MLF2: variants seen among roughly 807,000 people sequenced by gnomAD.
MLF2 encodes the protein myeloid leukemia factor 2.
MLF2 carries 12 observed loss-of-function variants against 31.4 expected under a neutral mutation model. The ratio of observed to expected loss-of-function variants is 0.38; its 90% CI spans 0.24 to 0.62. The LOEUF (loss-of-function observed/expected upper bound fraction) is 0.62. Ranked by LOEUF, MLF2 falls within the 20% of genes least tolerant of loss-of-function variation. MLF2 has a pLI of 0.58. For synonymous variants in MLF2, 109 were observed against 118.8 expected, an observed-to-expected ratio of 0.92 and a Z score of 0.54; for missense variants, 272 against 359.7, an observed-to-expected ratio of 0.76 and a Z score of 1.97.
intron 4 of MLF2, among the ~76,000 whole-genome samples, chr12:6,751,346 A>T (rs1231325726): frequency 6.6e-6 from 1 of 151,464 alleles, no homozygotes; most frequent in Admixed American, 6.6e-5. Context: ...GGTGTGTGCC[A>T]CCATGCCTGG....
intron 4 of MLF2, among the ~76,000 whole-genome samples, 197 bp downstream of exon 4, chr12:6,751,444 G>A (rs936204370): frequency 2.0e-5 from 3 of 151,942 alleles, no homozygotes; most frequent in Admixed American, 1.3e-4. Context: ...CACCCATCTC[G>A]GCCTCCCAAC....
Position 6,750,757 on chromosome 12 carries a change from A to G in MLF2, c.226T>C (p.Phe76Leu), listed in dbSNP as rs1941601372. Residue 76 changes from phenylalanine (F) to leucine (L), a missense_variant, in exon 5 of 9, where the codon TTC (phenylalanine) becomes CTC (leucine). Physicochemically the swap from Phe to Leu is conservative, Grantham distance 22. Coordinates refer to ENST00000203630, the MANE Select transcript of MLF2 (RefSeq NM_001382226.1). This position sits in a 1 kb window ranked among gnomAD's most constrained non-coding sequence, Gnocchi z 5.3. The part of the protein sequence containing the change: ...PFGMLGMSGG[F>L]MDMFGMMNDM... Reference sequence around the variant, plus strand: ...TTCATCATCCCAAACATGTCCATGAAACCACCCGACTGGAGGAAAGAGATG... The same window carrying G: ...TTCATCATCCCAAACATGTCCATGAGACCACCCGACTGGAGGAAAGAGATG... The G allele has an allele frequency of 1.2e-6, 2 of 1,614,064 alleles. No individual in the cohort carries two copies. Among genetic ancestry groups the G allele is most frequent in the Non-Finnish European group, 1.7e-6 (2 of 1,179,974 alleles).
In MLF2 at chr12:6,748,626, C is replaced by A; in HGVS notation, c.*26-79G>T. On this transcript the variant is annotated intron_variant, in intron 8 of 8. Transcript: ENST00000203630. This position sits in a 1 kb window ranked among gnomAD's most constrained non-coding sequence, Gnocchi z 4.6. ...TAAGAGCCAGGAGTTGGGGTTTAAT[C>A]CCCTATGTCAGTGAGAACATTGTTC... 1.6e-6 allele frequency: 1 copy of A among 641,248 alleles called. No individual in the cohort carries two copies. The highest frequency in any genetic ancestry group is 2.6e-6 in the Non-Finnish European group (1 of 390,778). The allele number at this position is 641,248 out of a possible 1,614,324, so 39.7% of individuals were successfully genotyped here.
At chr12:6,751,567 G>A in intron 4 of MLF2, 74 bp downstream of exon 4, 2 of 1,498,852 alleles carry the variant, frequency 1.3e-6, no homozygotes, top group South Asian at 2.3e-5. Context: ...ATTCCTAAGA[G>A]GCACATTTGG....
Position 6,752,209 on chromosome 12 carries a change from C to T in MLF2, c.50+76G>A. The T allele has an allele frequency of 6.5e-7, 1 of 1,537,792 alleles. No individual in the cohort carries two copies. The highest frequency in any genetic ancestry group is 8.8e-7 in the Non-Finnish European group (1 of 1,133,396). On this transcript the variant is annotated intron_variant, in intron 2 of 8. Coordinates refer to ENST00000203630, the MANE Select transcript of MLF2 (RefSeq NM_001382226.1). This position sits in a 1 kb window ranked among gnomAD's most constrained non-coding sequence, Gnocchi z 4.6. Reference sequence around the variant, plus strand: ...TCCAGCCAGTTCCAACCATTCCTAGCAATGGGAACCCCGATGTCTGCCTGA... The same window carrying T: ...TCCAGCCAGTTCCAACCATTCCTAGTAATGGGAACCCCGATGTCTGCCTGA...
In MLF2 at chr12:6,748,519, G is replaced by T; in HGVS notation, c.*54C>A. 2.9e-6 allele frequency: 1 copy of T among 350,638 alleles called. No individual in the cohort carries two copies. Among genetic ancestry groups the T allele is most frequent in the Non-Finnish European group, 5.1e-6 (1 of 195,300 alleles). The allele number at this position is 350,638 out of a possible 1,614,324, so 21.7% of individuals were successfully genotyped here. A position where few individuals can be genotyped will look rare whatever the true frequency, so the allele number is the denominator to read the frequency against. On this transcript the variant is annotated 3_prime_UTR_variant, in exon 9 of 9. Coordinates refer to ENST00000203630, the MANE Select transcript of MLF2 (RefSeq NM_001382226.1). The surrounding 1 kb of genome is among the most constrained non-coding windows in gnomAD (Gnocchi z 4.6). Reference sequence around the variant, plus strand: ...AATCGAGAGGAAAAAGTTATTCAGGGGATGATTTCTCAGCCTCTCAGCCTG... The same window carrying T: ...AATCGAGAGGAAAAAGTTATTCAGGTGATGATTTCTCAGCCTCTCAGCCTG...
Position 6,752,544 on chromosome 12 carries a change from T to C in MLF2, c.-28-182A>G. The C allele has an allele frequency of 1.8e-6, 1 of 542,882 alleles. No individual in the cohort carries two copies. The highest frequency in any genetic ancestry group is 3.2e-6 in the Non-Finnish European group (1 of 308,714). The allele number at this position is 542,882 out of a possible 1,614,324, so 33.6% of individuals were successfully genotyped here. ...GGGAGGGAAGGGCTCTTCAAACCTC[T>C]TTCTCAATTAGGGCCATGGAAAATT... On this transcript the variant is annotated intron_variant, in intron 1 of 8. Coordinates refer to ENST00000203630, the MANE Select transcript of MLF2 (RefSeq NM_001382226.1). This position sits in a 1 kb window ranked among gnomAD's most constrained non-coding sequence, Gnocchi z 4.6.
In MLF2 at chr12:6,748,553, G is replaced by A. The variant is rs375579578; in HGVS notation, c.*26-6C>T. On this transcript the variant is annotated splice_region_variant and splice_polypyrimidine_tract_variant and intron_variant, in intron 8 of 8. Transcript: ENST00000203630. The surrounding 1 kb of genome is among the most constrained non-coding windows in gnomAD (Gnocchi z 4.6). ...CTCAGCCTCTCAGCCTGTACCTGGA[G>A]GGGGAAAGAGAGAGGAGCACAAGTC... 2.4e-6 allele frequency: 1 copy of A among 415,774 alleles called. No individual in the cohort carries two copies. The allele number at this position is 415,774 out of a possible 1,614,324, so 25.8% of individuals were successfully genotyped here. A position where few individuals can be genotyped will look rare whatever the true frequency, so the allele number is the denominator to read the frequency against.
In MLF2 at chr12:6,750,657, G is replaced by A; in HGVS notation, c.270+56C>T. 7 of 1,543,446 alleles carry A rather than the reference G, an allele frequency of 4.5e-6. No individual in the cohort carries two copies. Among genetic ancestry groups the A allele is most frequent in the South Asian group, 1.1e-5 (1 of 89,260 alleles). ...TCCCTCTTGCCTTAGAGGATGCAAG[G>A]TGTTGTCAGCCATCACTGAGAGCAA... On this transcript the variant is annotated intron_variant, in intron 5 of 8. Coordinates refer to ENST00000203630, the MANE Select transcript of MLF2 (RefSeq NM_001382226.1). The surrounding 1 kb of genome is among the most constrained non-coding windows in gnomAD (Gnocchi z 5.3).
chr12:6,749,090 C>T lies in MLF2; in HGVS notation c.560-108G>A, dbSNP rs994060368. On this transcript the variant is annotated intron_variant, in intron 7 of 8. Coordinates refer to ENST00000203630, the MANE Select transcript of MLF2 (RefSeq NM_001382226.1). This position sits in a 1 kb window ranked among gnomAD's most constrained non-coding sequence, Gnocchi z 5.3. ...GCCAAAGCGGCGAAGGCTGAGTGTG[C>T]GTGCAGGGATGGGTGGGGTGGCAAT... is the stretch of plus-strand genomic sequence containing the variant. The T allele has an allele frequency of 7.4e-6, 9 of 1,213,184 alleles. No homozygotes were observed. The highest frequency in any genetic ancestry group is 2.7e-4 in the Middle Eastern group (1 of 3,710). 75.2% of individuals were successfully genotyped at this position (1,213,184 alleles called of 1,614,324 possible).
rs774121587 is a variant in MLF2 at position 6,752,035 on chromosome 12, G to A, written c.70C>T (p.Arg24Cys). 1 of 1,614,112 alleles carries A rather than the reference G, an allele frequency of 6.2e-7. No individual in the cohort carries two copies. Among genetic ancestry groups the A allele is most frequent in the Non-Finnish European group, 8.5e-7 (1 of 1,180,016 alleles). ...MFLMDPFAIH[R>C]QHMSRMLSGG... ...GACAACATACGGCTCATATGCTGAC[G>A]GTGAATAGCAAAGGGATCCCTGTGG... Residue 24 changes from arginine (R) to cysteine (C), a missense_variant, in exon 3 of 9, where the codon CGT becomes TGT. Transcript: ENST00000203630. The surrounding 1 kb of genome is among the most constrained non-coding windows in gnomAD (Gnocchi z 4.6).
Position 6,749,723 on chromosome 12 carries a change from CAAAA to C in MLF2, c.559+121_559+124del, listed in dbSNP as rs750197073. On this transcript the variant is annotated intron_variant, in intron 7 of 8. Coordinates refer to ENST00000203630, the MANE Select transcript of MLF2 (RefSeq NM_001382226.1). This position sits in a 1 kb window ranked among gnomAD's most constrained non-coding sequence, Gnocchi z 5.3. ...GGGCAACAAGAGCGAGACTCCATCT[CAAAA>C]AAAAAAAAAAAGGAATATGGGGCTG... is the stretch of plus-strand genomic sequence containing the variant. 200 of 1,080,748 alleles carry C rather than the reference CAAAA, an allele frequency of 1.9e-4. No homozygotes were observed. The highest frequency in any genetic ancestry group is 2.9e-4 in the South Asian group (18 of 61,720). The allele number at this position is 1,080,748 out of a possible 1,614,324, so 66.9% of individuals were successfully genotyped here. A position where few individuals can be genotyped will look rare whatever the true frequency, so the allele number is the denominator to read the frequency against.
intron 3 of MLF2, 83 bp downstream of exon 3, chr12:6,751,842 G>A (rs1941619653): frequency 1.3e-6 from 2 of 1,584,574 alleles, no homozygotes; most frequent in Non-Finnish European, 1.7e-6. Flanking sequence ...TTGCTCAGTT[G>A]GCTGTAGTGC....
At position 6,753,140 on chromosome 12, in the gene MLF2, G is replaced by T; in HGVS notation, c.-230C>A. ...GAACCTCGGCCAGGCCCGGGCGGAA[G>T]TGACGTCACGATAGACCCGCCCACC... On this transcript the variant is annotated 5_prime_UTR_variant, in exon 1 of 9. Coordinates refer to ENST00000203630, the MANE Select transcript of MLF2 (RefSeq NM_001382226.1). 2.5e-6 allele frequency: 1 copy of T among 395,048 alleles called. No homozygotes were observed. The highest frequency in any genetic ancestry group is 4.5e-6 in the Non-Finnish European group (1 of 224,176). 24.5% of individuals were successfully genotyped at this position (395,048 alleles called of 1,614,324 possible). A position where few individuals can be genotyped will look rare whatever the true frequency, so the allele number is the denominator to read the frequency against.
Position 6,750,397 on chromosome 12 carries a change from T to A in MLF2, c.271-92A>T. 1.4e-6 allele frequency: 2 copies of A among 1,465,166 alleles called. No homozygotes were observed. The highest frequency in any genetic ancestry group is 9.2e-7 in the Non-Finnish European group (1 of 1,086,232). 90.8% of individuals were successfully genotyped at this position (1,465,166 alleles called of 1,614,324 possible). On this transcript the variant is annotated intron_variant, in intron 5 of 8. Transcript: ENST00000203630. This position sits in a 1 kb window ranked among gnomAD's most constrained non-coding sequence, Gnocchi z 5.3. Reference sequence around the variant, plus strand: ...CTTCAGCTGCCTGTTCTAGCCTGTATCTTTCTCACAAAATGCAAGAACTGA... The same window carrying A: ...CTTCAGCTGCCTGTTCTAGCCTGTAACTTTCTCACAAAATGCAAGAACTGA...
Position 6,750,442 on chromosome 12 carries a change from A to T in MLF2, c.271-137T>A. 2 of 1,222,842 alleles carry T rather than the reference A, an allele frequency of 1.6e-6. No individual in the cohort carries two copies. The highest frequency in any genetic ancestry group is 5.5e-4 in the Middle Eastern group (2 of 3,626). 75.7% of individuals were successfully genotyped at this position (1,222,842 alleles called of 1,614,324 possible). A position where few individuals can be genotyped will look rare whatever the true frequency, so the allele number is the denominator to read the frequency against. ...AACTGAAAAAACATCAGGCCTCATC[A>T]TTACCCTCCCAAATTCCTCTGAGTC... On this transcript the variant is annotated intron_variant, in intron 5 of 8. Coordinates refer to ENST00000203630, the MANE Select transcript of MLF2 (RefSeq NM_001382226.1). This position sits in a 1 kb window ranked among gnomAD's most constrained non-coding sequence, Gnocchi z 5.3.
At chr12:6,751,840 T>G (rs190442445) in intron 3 of MLF2, 85 bp downstream of exon 3, 10 of 1,585,580 alleles carry the variant, frequency 6.3e-6, no homozygotes, top group South Asian at 2.2e-5. Flanking sequence ...ACTTGCTCAG[T>G]TGGCTGTAGT....
chr12:6,749,121 T>G lies in MLF2; in HGVS notation c.560-139A>C. ...GGGATGGGTGGGGTGGCAATTCCCT[T>G]AGCTCTTTTGGTTTCTGCACGGTCC... On this transcript the variant is annotated intron_variant, in intron 7 of 8. Coordinates refer to ENST00000203630, the MANE Select transcript of MLF2 (RefSeq NM_001382226.1). The surrounding 1 kb of genome is among the most constrained non-coding windows in gnomAD (Gnocchi z 5.3). 1.1e-6 allele frequency: 1 copy of G among 937,524 alleles called. No individual in the cohort carries two copies. The highest frequency in any genetic ancestry group is 3.2e-5 in the East Asian group (1 of 31,680). The allele number at this position is 937,524 out of a possible 1,614,324, so 58.1% of individuals were successfully genotyped here. A position where few individuals can be genotyped will look rare whatever the true frequency, so the allele number is the denominator to read the frequency against.
At position 6,750,637 on chromosome 12, in the gene MLF2, C is replaced by A. The variant is rs1277497384; in HGVS notation, c.270+76G>T. 5 of 1,489,010 alleles carry A rather than the reference C, an allele frequency of 3.4e-6. No individual in the cohort carries two copies. In the Admixed American group the frequency reaches 8.5e-5, roughly 25 times the overall value. The allele number at this position is 1,489,010 out of a possible 1,614,324, so 92.2% of individuals were successfully genotyped here. ...CCCTTCACTAGCATACTGTTTCCCTCTTGCCTTAGAGGATGCAAGGTGTTG... is the reference window on the plus strand; with the variant it reads ...CCCTTCACTAGCATACTGTTTCCCTATTGCCTTAGAGGATGCAAGGTGTTG... On this transcript the variant is annotated intron_variant, in intron 5 of 8. Transcript: ENST00000203630. This position sits in a 1 kb window ranked among gnomAD's most constrained non-coding sequence, Gnocchi z 5.3.
Sources: allele counts gnomAD v4.1 joint callset (sites outside exome capture counted in the v4.1 genomes callset), GRCh38; gene constraint gnomAD v4.1.1; non-coding constraint Gnocchi (gnomAD v3.1); transcripts MANE v1.5; gene names NCBI Gene and HGNC (gene_info 2026-07-23, HGNC 2026-07-21).